The following DYNAP variants were observed in gnomAD, a reference collection of about 807,000 sequenced individuals.
DYNAP encodes dynactin-associated protein.
Under a neutral mutation model 8.5 loss-of-function variants are expected in DYNAP, and 7 were observed. The observed-to-expected ratio is 0.82, with a 90% CI of 0.47 to 1.54. The LOEUF (loss-of-function observed/expected upper bound fraction) is 1.54, where lower values mean the gene tolerates loss of function less well. Ranked by LOEUF, DYNAP falls within the 40% of genes most tolerant of loss-of-function variation. The pLI is 0.01. For synonymous variants in DYNAP, 77 were observed against 77.9 expected (o/e 0.99, Z 0.06); for missense variants, 256 against 224.3 (o/e 1.14, Z -0.90).
the DYNAP span, among the ~76,000 whole-genome samples, chr18:54,577,602 CAAAAAAAAAAA>C: frequency 3.0e-5 from 2 of 66,298 alleles, no homozygotes; most frequent in Non-Finnish European, 7.0e-5. Context: ...AATCTTGTTT[CAAAAAAAAAAA>C]AAAAAAAACA....
At chr18:54,582,263 G>A in the DYNAP span, among the ~76,000 whole-genome samples, 1 of 151,842 alleles carries the variant, frequency 6.6e-6, no homozygotes, top group Non-Finnish European at 1.5e-5. Flanking sequence ...TCCAGCCTGG[G>A]CAACAGAGTG....
upstream of DYNAP, among the ~76,000 whole-genome samples, chr18:54,590,171 C>T (rs73472944): frequency 0.15 from 22,570 of 152,054 alleles, 1,743 homozygotes; most frequent in Middle Eastern, 0.16. Context: ...TCCCCATTTC[C>T]GCCTCCTCCC....
At chr18:54,579,744 T>C in the DYNAP span, among the ~76,000 whole-genome samples, 1 of 152,232 alleles carries the variant, frequency 6.6e-6, no homozygotes, top group Non-Finnish European at 1.5e-5. Context: ...TCCTCAAAGA[T>C]GGTCTCCAGA....
upstream of DYNAP, chr18:54,587,773 A>G: frequency 2.5e-6 from 1 of 400,232 alleles, no homozygotes; most frequent in Non-Finnish European, 4.4e-6. Context: ...ATCAGGGTGT[A>G]AGTCAGCCAG....
the DYNAP span, among the ~76,000 whole-genome samples, chr18:54,577,659 G>GAAAAGAA: frequency 7.8e-6 from 1 of 128,740 alleles, no homozygotes; most frequent in African/African-American, 2.9e-5. Context: ...CAAAAGAAAA[G>GAAAAGAA]AAAAGAAAAC....
chr18:54,592,772 A>G (rs1568241225), intron 1 of DYNAP, among the ~76,000 whole-genome samples: 1 of 152,096 alleles, frequency 6.6e-6, no homozygotes, highest in Non-Finnish European at 1.5e-5. Context: ...ACACAGTAAA[A>G]TTATTACTTA....
intron 2 of DYNAP, among the ~76,000 whole-genome samples, chr18:54,596,461 A>C (rs1261921818): frequency 6.6e-6 from 1 of 152,140 alleles, no homozygotes; most frequent in East Asian, 1.9e-4. Context: ...CCCCAGACTA[A>C]TTAAATCAGA....
the DYNAP span, among the ~76,000 whole-genome samples, chr18:54,578,643 G>A: frequency 1.1e-3 from 166 of 152,164 alleles, 3 homozygotes; most frequent in South Asian, 0.029. Context: ...TGTTCCATTT[G>A]GATATTGTGT....
chr18:54,593,209 T>G (rs1179095402), intron 1 of DYNAP, among the ~76,000 whole-genome samples: 2 of 152,132 alleles, frequency 1.3e-5, no homozygotes, highest in Non-Finnish European at 2.9e-5. Flanking sequence ...AATTTTATAT[T>G]TTTGTATTTT....
Position 54,596,198 on chromosome 18 carries a change from A to T in DYNAP, c.222+1095A>T, listed in dbSNP as rs113027637. Among the ~76,000 whole-genome samples the T allele has an allele frequency of 2.4e-3, 358 of 151,938 alleles. 3 individuals are homozygous for T. The highest frequency in any genetic ancestry group is 7.7e-3 in the African/African-American group (320 of 41,456). ...AACAATCCTCCCATCTCAGCCTGCT[A>T]AGTAGCTAGGACCACATGCATATGC... On this transcript the variant is annotated intron_variant, in intron 2 of 2. Transcript: ENST00000648945.
chr18:54,597,081 T>G (rs1302977315), intron 2 of DYNAP, among the ~76,000 whole-genome samples: 2 of 152,162 alleles, frequency 1.3e-5, no homozygotes, highest in African/African-American at 4.8e-5. Context: ...AATAATCTGT[T>G]GGACTCCAAA....
chr18:54,585,050 G>A (rs1233050125), upstream of DYNAP, among the ~76,000 whole-genome samples: 2 of 152,040 alleles, frequency 1.3e-5, no homozygotes, highest in Non-Finnish European at 2.9e-5. Flanking sequence ...ACCTTGAGAG[G>A]AATGAATCAA....
chr18:54,586,246 C>A (rs879507476), upstream of DYNAP, among the ~76,000 whole-genome samples: 2 of 152,168 alleles, frequency 1.3e-5, no homozygotes, highest in Non-Finnish European at 2.9e-5. Context: ...GATGGATAAA[C>A]CTCAGCTCCA....
At chr18:54,578,601 A>T in the DYNAP span, among the ~76,000 whole-genome samples, 1 of 152,018 alleles carries the variant, frequency 6.6e-6, no homozygotes, top group Admixed American at 6.6e-5. Context: ...GTAAATATTG[A>T]CCCCTCTAGA....
chr18:54,583,915 A>G (rs554929561), upstream of DYNAP, among the ~76,000 whole-genome samples: 57 of 151,278 alleles, frequency 3.8e-4, 1 homozygote, highest in Non-Finnish European at 7.4e-4. Context: ...ATTTACATAC[A>G]AGGCAGAAAA....
chr18:54,576,837 A>C, the DYNAP span, among the ~76,000 whole-genome samples: 8 of 150,430 alleles, frequency 5.3e-5, no homozygotes, highest in South Asian at 4.2e-4. Context: ...AACAACAACA[A>C]CACCAAAAAA....
Position 54,598,238 on chromosome 18 carries a change from A to G in DYNAP, c.*93A>G. ...TATAATAGCTACTCCTATCACTTCA[A>G]GTGGAATCATGGCTGCAGTCACTTT... On this transcript the variant is annotated 3_prime_UTR_variant, in exon 3 of 3. Coordinates refer to ENST00000648945, the MANE Select transcript of DYNAP (RefSeq NM_173629.3). The G allele has an allele frequency of 7.6e-7, 1 of 1,318,238 alleles. No homozygotes were observed. Among genetic ancestry groups the G allele is most frequent in the Non-Finnish European group, 1.0e-6 (1 of 959,656 alleles). The allele number at this position is 1,318,238 out of a possible 1,614,324, so 81.7% of individuals were successfully genotyped here.
intron 1 of DYNAP, among the ~76,000 whole-genome samples, chr18:54,593,002 T>C (rs1375117574): frequency 6.6e-6 from 1 of 152,172 alleles, no homozygotes; most frequent in African/African-American, 2.4e-5. Flanking sequence ...AGCACCTAGT[T>C]AAATAAGCAA....
chr18:54,588,929 TG>T, upstream of DYNAP, among the ~76,000 whole-genome samples: 1 of 152,222 alleles, frequency 6.6e-6, no homozygotes, highest in East Asian at 1.9e-4. Flanking sequence ...TCATGCTTTT[TG>T]GGTTGCATGT....
Sources: allele counts gnomAD v4.1 joint callset (sites outside exome capture counted in the v4.1 genomes callset), GRCh38; gene constraint gnomAD v4.1.1; transcripts MANE v1.5; gene names NCBI Gene and HGNC (gene_info 2026-07-23, HGNC 2026-07-21).